The following C12orf56 variants were observed in gnomAD, a reference collection of about 807,000 sequenced individuals.
C12orf56 encodes chromosome 12 open reading frame 56.
C12orf56 carries 71 observed loss-of-function variants against 69.9 expected under a neutral mutation model. That is an observed-to-expected ratio of 1.02 (90% confidence interval 0.84 to 1.24). The LOEUF is 1.24. Among genes scored for constraint, C12orf56 ranks in the 50% most tolerant of loss-of-function variants. The pLI, the probability that C12orf56 is intolerant of heterozygous loss-of-function variation, is 0.00. For missense variants in C12orf56, 732 were observed against 738.5 expected (o/e 0.99, Z 0.10); for synonymous variants, 276 against 274.1 (o/e 1.01, Z -0.07).
chr12:64,320,359 G>A (rs1349763776), intron 3 of C12orf56, among the ~76,000 whole-genome samples: 1 of 152,148 alleles, frequency 6.6e-6, no homozygotes, highest in Non-Finnish European at 1.5e-5. Flanking sequence ...AACTCACTAT[G>A]TTGCCCAGGC....
chr12:64,277,930 G>T, intron 8 of C12orf56, 127 bp from the exon 9 acceptor site: 1 of 631,206 alleles, frequency 1.6e-6, no homozygotes, highest in Non-Finnish European at 2.3e-6. Flanking sequence ...ATCCTTGACT[G>T]AAGTTTTGGA....
At chr12:64,352,799 A>C in intron 2 of C12orf56, 95 bp downstream of exon 2, 1 of 1,194,454 alleles carries the variant, frequency 8.4e-7, no homozygotes, top group South Asian at 2.3e-5. Flanking sequence ...ATTTTAACTG[A>C]ACTAAGAAGC....
At chr12:64,333,540 C>CG (rs1309530217) in intron 2 of C12orf56, among the ~76,000 whole-genome samples, 2 of 151,972 alleles carry the variant, frequency 1.3e-5, no homozygotes, top group Non-Finnish European at 2.9e-5. Flanking sequence ...CTCACTCTGT[C>CG]GCCCAGGCTG....
At chr12:64,334,256 C>T (rs1185332056) in intron 2 of C12orf56, among the ~76,000 whole-genome samples, 1 of 152,162 alleles carries the variant, frequency 6.6e-6, no homozygotes, top group African/African-American at 2.4e-5. Context: ...TCCATGAAAC[C>T]TGAGAGACTC....
intron 5 of C12orf56, among the ~76,000 whole-genome samples, chr12:64,307,489 C>T (rs796573128): frequency 2.0e-5 from 3 of 151,486 alleles, no homozygotes; most frequent in African/African-American, 7.3e-5. Flanking sequence ...CCTACCTCAG[C>T]CTCCCAAGTA....
At chr12:64,274,048 T>C (rs1036095619) in intron 11 of C12orf56, among the ~76,000 whole-genome samples, 1 of 152,268 alleles carries the variant, frequency 6.6e-6, no homozygotes, top group African/African-American at 2.4e-5. Context: ...CACCATGCCA[T>C]GCACTGTTTG....
At chr12:64,335,890 C>T (rs2038990109) in intron 2 of C12orf56, among the ~76,000 whole-genome samples, 1 of 152,048 alleles carries the variant, frequency 6.6e-6, no homozygotes, top group African/African-American at 2.4e-5. Context: ...GATTTTTTAC[C>T]CAAGAGGTTT....
intron 1 of C12orf56, among the ~76,000 whole-genome samples, chr12:64,369,792 C>T (rs2039545073): frequency 6.6e-6 from 1 of 151,580 alleles, no homozygotes; most frequent in Non-Finnish European, 1.5e-5. Flanking sequence ...ACCAGCCTGG[C>T]CAACATGGTG....
At chr12:64,390,153 A>G (rs2039847764) in intron 1 of C12orf56, among the ~76,000 whole-genome samples, 161 bp downstream of exon 1, 2 of 152,172 alleles carry the variant, frequency 1.3e-5, no homozygotes, top group South Asian at 2.1e-4. Context: ...GAGTGCTCAC[A>G]GCAATCCACA....
At position 64,379,652 on chromosome 12, in the gene C12orf56, A is replaced by T. The variant is rs551301553; in HGVS notation, c.252+10662T>A. ...AGAAAAAGACAAATTGACTGATGTG[A>T]GTTTACCACTTCCTGCTGTCTCCCA... On this transcript the variant is annotated intron_variant, in intron 1 of 12. Transcript: ENST00000543942. 5.9e-5 allele frequency among the ~76,000 whole-genome samples: 9 copies of T among 152,190 alleles called. No homozygotes were observed. In the South Asian group the frequency reaches 6.2e-4, roughly 11 times the overall value.
intron 6 of C12orf56, among the ~76,000 whole-genome samples, chr12:64,287,209 A>G (rs1387856827): frequency 6.8e-6 from 1 of 146,216 alleles, no homozygotes; most frequent in Non-Finnish European, 1.5e-5. Context: ...GCGCCACTGC[A>G]CTCCAGACTG....
intron 8 of C12orf56, among the ~76,000 whole-genome samples, chr12:64,281,638 T>A (rs1050071556): frequency 3.3e-5 from 5 of 152,160 alleles, no homozygotes; most frequent in Non-Finnish European, 7.4e-5. Flanking sequence ...TACGTAATAC[T>A]ATGGGGCACA....
chr12:64,387,622 G>T (rs1484527981), intron 1 of C12orf56, among the ~76,000 whole-genome samples: 4 of 151,986 alleles, frequency 2.6e-5, no homozygotes, highest in Admixed American at 2.6e-4. Flanking sequence ...CAGCAGCCTG[G>T]GCAACATGGC....
chr12:64,380,104 C>CAAAAAAAAAAAAAAAAAAAAAAAAAAAAA (rs60079906), intron 1 of C12orf56, among the ~76,000 whole-genome samples: 1 of 49,996 alleles, frequency 2.0e-5, no homozygotes, highest in African/African-American at 1.1e-4. Context: ...GACTCCGTCG[C>CAAAAAAAAAAAAAAAAAAAAAAAAAAAAA]AAAAAAAAAA....
intron 3 of C12orf56, among the ~76,000 whole-genome samples, chr12:64,329,979 A>G (rs1346165888): frequency 2.6e-5 from 4 of 152,030 alleles, no homozygotes; most frequent in East Asian, 1.9e-4. Context: ...TAATGCTGCA[A>G]TAAACATACG....
At chr12:64,380,760 C>G (rs1011977274) in intron 1 of C12orf56, among the ~76,000 whole-genome samples, 1 of 151,938 alleles carries the variant, frequency 6.6e-6, no homozygotes, top group African/African-American at 2.4e-5. Context: ...AAGGCAAGTA[C>G]AAAGGTCCTG....
intron 5 of C12orf56, among the ~76,000 whole-genome samples, chr12:64,304,828 G>A (rs917792583): frequency 1.3e-5 from 2 of 152,074 alleles, no homozygotes; most frequent in African/African-American, 2.4e-5. Context: ...GTTGTGGGGG[G>A]GTTTAAGTAA....
chr12:64,354,560 C>T (rs1196222023), intron 1 of C12orf56, among the ~76,000 whole-genome samples: 1 of 151,946 alleles, frequency 6.6e-6, no homozygotes, highest in Non-Finnish European at 1.5e-5. Context: ...CAGGTACAAG[C>T]GATTCTCCTG....
At chr12:64,384,636 GAGAA>G (rs1187634636) in intron 1 of C12orf56, among the ~76,000 whole-genome samples, 1 of 152,172 alleles carries the variant, frequency 6.6e-6, no homozygotes, top group African/African-American at 2.4e-5. Context: ...AAAGGACTAG[GAGAA>G]AGAGAGGCAA....
Sources: gnomAD v4.1 joint callset for allele counts (sites outside exome capture counted in the v4.1 genomes callset) on GRCh38, gnomAD v4.1.1 for gene constraint, MANE v1.5 for transcripts, NCBI Gene and HGNC (gene_info 2026-07-23, HGNC 2026-07-21) for gene names.